The following LYRM4 variants were observed in gnomAD, a reference collection of about 807,000 sequenced individuals.
LYRM4 encodes LYR motif-containing protein 4.
LYRM4 carries 9 observed loss-of-function variants against 11.7 expected under a neutral mutation model. The ratio of observed to expected loss-of-function variants is 0.77; its 90% CI spans 0.46 to 1.34. The LOEUF is 1.34. LYRM4 is among the 40% of genes most tolerant of loss of function. The pLI is 0.00. For missense variants in LYRM4, 133 were observed against 112.5 expected, an observed-to-expected ratio of 1.18 and a Z score of -0.82; for synonymous variants, 42 against 40.4, an observed-to-expected ratio of 1.04 and a Z score of -0.15.
At chr6:5,239,697 T>C (rs1475685032) in intron 1 of LYRM4, among the ~76,000 whole-genome samples, 1 of 151,374 alleles carries the variant, frequency 6.6e-6, no homozygotes, top group Non-Finnish European at 1.5e-5. Flanking sequence ...GAGTGAGGAG[T>C]GAGGGCAGCT....
chr6:5,086,052 C>T, the LYRM4 span: 2 of 1,478,726 alleles, frequency 1.4e-6, no homozygotes, highest in East Asian at 2.8e-5. Context: ...TGGCCGCGCC[C>T]CTTTCAGCGC....
At chr6:5,224,310 T>C (rs1762754089) in intron 1 of LYRM4, among the ~76,000 whole-genome samples, 1 of 152,216 alleles carries the variant, frequency 6.6e-6, no homozygotes, top group South Asian at 2.1e-4. Flanking sequence ...GATGTGTGAA[T>C]GTTCAGCCTC....
At chr6:5,164,580 T>C (rs766517739) in intron 2 of LYRM4, among the ~76,000 whole-genome samples, 6 of 152,160 alleles carry the variant, frequency 3.9e-5, no homozygotes, top group Non-Finnish European at 7.3e-5. Flanking sequence ...TGGTGGAGTA[T>C]AGTGACTGCA....
the LYRM4 span, among the ~76,000 whole-genome samples, chr6:5,082,439 T>A: frequency 6.6e-6 from 1 of 152,168 alleles, no homozygotes. Flanking sequence ...TGACTGCTAC[T>A]GTCTACCCAA....
the LYRM4 span, among the ~76,000 whole-genome samples, chr6:5,083,698 C>T: frequency 6.6e-6 from 1 of 152,206 alleles, no homozygotes; most frequent in East Asian, 1.9e-4. Flanking sequence ...AATGTAAGCT[C>T]TTAACACGCT....
At chr6:5,118,690 C>G (rs1457573724) in intron 2 of LYRM4, among the ~76,000 whole-genome samples, 2 of 152,094 alleles carry the variant, frequency 1.3e-5, no homozygotes, top group Non-Finnish European at 2.9e-5. Flanking sequence ...TTTTATCATG[C>G]TTTTTATATT....
At chr6:5,037,796 C>A in the LYRM4 span, among the ~76,000 whole-genome samples, 10 of 59,228 alleles carry the variant, frequency 1.7e-4, no homozygotes, top group South Asian at 7.7e-4. Flanking sequence ...CCGGACGGGG[C>A]GGCTGGCCGG....
At chr6:5,087,938 G>GA in the LYRM4 span, 1 of 152,176 alleles carries the variant, frequency 6.6e-6, no homozygotes, top group African/African-American at 2.4e-5. Flanking sequence ...TCGTTTTAGG[G>GA]ATGGTAGTCT....
intron 1 of LYRM4, among the ~76,000 whole-genome samples, chr6:5,256,015 A>G (rs975074467): frequency 4.0e-5 from 6 of 151,848 alleles, no homozygotes; most frequent in African/African-American, 1.2e-4. Flanking sequence ...GTATTAACTC[A>G]CCACAGTGGT....
chr6:5,173,913 G>A (rs1759570096), intron 2 of LYRM4, among the ~76,000 whole-genome samples: 1 of 152,198 alleles, frequency 6.6e-6, no homozygotes, highest in Non-Finnish European at 1.5e-5. Flanking sequence ...CTGGCAGTAT[G>A]GGTTGCTGTG....
chr6:5,073,905 C>T, the LYRM4 span, among the ~76,000 whole-genome samples: 4 of 152,258 alleles, frequency 2.6e-5, no homozygotes, highest in East Asian at 1.9e-4. Flanking sequence ...CGTTCTTCTG[C>T]GACTGGCTGG....
At chr6:5,222,058 CGGACTCT>C (rs1762613756) in intron 1 of LYRM4, among the ~76,000 whole-genome samples, 1 of 152,166 alleles carries the variant, frequency 6.6e-6, no homozygotes, top group Non-Finnish European at 1.5e-5. Flanking sequence ...GAAGGTCACA[CGGACTCT>C]GGGTATATAA....
chr6:5,194,646 G>A (rs950878728), intron 2 of LYRM4, among the ~76,000 whole-genome samples: 5 of 152,186 alleles, frequency 3.3e-5, no homozygotes, highest in East Asian at 1.9e-4. Context: ...AAGTGAAAGC[G>A]TCTTTGGAAA....
chr6:5,095,929 G>A, the LYRM4 span, among the ~76,000 whole-genome samples: 14 of 152,074 alleles, frequency 9.2e-5, no homozygotes, highest in African/African-American at 2.4e-4. Context: ...GCAGTGAGCC[G>A]AGATCGCACA....
chr6:5,166,911 CA>C (rs1198210078), intron 2 of LYRM4, among the ~76,000 whole-genome samples: 3 of 152,004 alleles, frequency 2.0e-5, no homozygotes, highest in Admixed American at 6.6e-5. Context: ...TTGTCAAAAC[CA>C]AAAAGCCATT....
At chr6:5,122,082 T>C (rs1763482124) in intron 2 of LYRM4, among the ~76,000 whole-genome samples, 1 of 152,210 alleles carries the variant, frequency 6.6e-6, no homozygotes, top group Admixed American at 6.5e-5. Context: ...CAAATATAAC[T>C]GAGCAGGCAA....
chr6:5,206,219 G>A (rs1761688191), intron 2 of LYRM4, among the ~76,000 whole-genome samples: 2 of 152,218 alleles, frequency 1.3e-5, no homozygotes, highest in Non-Finnish European at 2.9e-5. Flanking sequence ...ACCAGAAAAT[G>A]TCAGGCATGA....
At chr6:5,100,699 C>A (rs1762471911), downstream of LYRM4, among the ~76,000 whole-genome samples, 2 of 152,150 alleles carry the variant, frequency 1.3e-5, no homozygotes, top group African/African-American at 4.8e-5. Flanking sequence ...GCAACCAGGA[C>A]TCTGCAAAAC....
At chr6:5,231,994 C>T (rs1763269417) in intron 1 of LYRM4, among the ~76,000 whole-genome samples, 2 of 152,144 alleles carry the variant, frequency 1.3e-5, no homozygotes, top group South Asian at 4.1e-4. Flanking sequence ...TAAAATTGAG[C>T]AAACATTTGC....
Sources: allele counts gnomAD v4.1 joint callset (sites outside exome capture counted in the v4.1 genomes callset), GRCh38; gene constraint gnomAD v4.1.1; transcripts MANE v1.5; gene names NCBI Gene and HGNC (gene_info 2026-07-23, HGNC 2026-07-21).